ALOX12B: variants seen among roughly 807,000 people sequenced by gnomAD.
ALOX12B encodes arachidonate 12-lipoxygenase, 12R type.
Under a neutral mutation model 78.9 loss-of-function variants are expected in ALOX12B, and 47 were observed. That is an observed-to-expected ratio of 0.60 (90% confidence interval 0.47 to 0.76). ALOX12B has a LOEUF of 0.76. Ranked by LOEUF, ALOX12B falls within the 30% of genes least tolerant of loss-of-function variation. ALOX12B has a pLI of 0.00. For synonymous variants in ALOX12B, 370 were observed against 374.5 expected (o/e 0.99, Z 0.14); for missense variants, 805 against 922.6 (o/e 0.87, Z 1.65).
In ALOX12B at chr17:8,079,850, C is replaced by CT. The variant is rs760916106; in HGVS notation, c.845_846insA (p.Ile283AspfsTer91). The CT allele has an allele frequency of 9.3e-6, 15 of 1,613,624 alleles. No individual in the cohort carries two copies. Among genetic ancestry groups the CT allele is most frequent in the Non-Finnish European group, 1.2e-5 (14 of 1,179,976 alleles). On this transcript the variant is annotated frameshift_variant, in exon 7 of 15. Coordinates refer to ENST00000647874, the MANE Select transcript of ALOX12B (RefSeq NM_001139.3). LOFTEE classifies it high-confidence loss of function. This position sits in a 1 kb window ranked among gnomAD's most constrained non-coding sequence, Gnocchi z 6.4. ...CTGTGACGGGGAACTTGTCTGGGAT[C>CT]CGCGTGCAGCGGCGGATCAGGCCGG...
chr17:8,086,896 G>A (rs1332306571), intron 1 of ALOX12B, among the ~76,000 whole-genome samples: 1 of 152,042 alleles, frequency 6.6e-6, no homozygotes, highest in Non-Finnish European at 1.5e-5. Flanking sequence ...AGGTGGAAAG[G>A]ATTGAGAAAA....
chr17:8,086,430 C>G (rs1978298706), intron 1 of ALOX12B, among the ~76,000 whole-genome samples: 1 of 152,156 alleles, frequency 6.6e-6, no homozygotes, highest in Admixed American at 6.5e-5. Context: ...CTACCCAGGG[C>G]TATGTAGGAC....
At chr17:8,074,681 C>T (rs1287110314) in intron 12 of ALOX12B, among the ~76,000 whole-genome samples, 1 of 152,190 alleles carries the variant, frequency 6.6e-6, no homozygotes, top group Non-Finnish European at 1.5e-5. Flanking sequence ...TCCCTGGATC[C>T]CTCTGGCCCT....
In ALOX12B at chr17:8,072,869, T is replaced by A. The variant is rs1453694504; in HGVS notation, c.2008A>T (p.Asn670Tyr). ...TGGCGGATGTCGTGTGAGATCTGGT[T>A]CAGGCGCTGGCGGAACGCCTCTATG... ...RSIEAFRQRL[N>Y]QISHDIRQRN... The change falls in exon 15 of 15, where the codon AAC becomes TAC. Residue 670 changes from asparagine to tyrosine, a missense_variant. Coordinates refer to ENST00000647874, the MANE Select transcript of ALOX12B (RefSeq NM_001139.3). 2.8e-5 allele frequency: 45 copies of A among 1,614,044 alleles called. No homozygotes were observed. The highest frequency in any genetic ancestry group is 3.6e-5 in the Non-Finnish European group (43 of 1,180,026).
At chr17:8,076,871 TCCCC>T in intron 9 of ALOX12B, 115 bp downstream of exon 9, 1 of 1,438,902 alleles carries the variant, frequency 6.9e-7, no homozygotes, top group South Asian at 1.2e-5. Flanking sequence ...TCTCTTGTGG[TCCCC>T]AGATGCCCCC....
At position 8,080,024 on chromosome 17, in the gene ALOX12B, G is replaced by T; in HGVS notation, c.755-83C>A. On this transcript the variant is annotated intron_variant, in intron 6 of 14. Coordinates refer to ENST00000647874, the MANE Select transcript of ALOX12B (RefSeq NM_001139.3). The surrounding 1 kb of genome is among the most constrained non-coding windows in gnomAD (Gnocchi z 4.8). ...GGCATGGGACAGAAGAAGACTATGG[G>T]CACCGAGAGGAGTCGGGGAGGAAAA... The T allele has an allele frequency of 6.4e-7, 1 of 1,554,338 alleles. No individual in the cohort carries two copies. Among genetic ancestry groups the T allele is most frequent in the Non-Finnish European group, 8.8e-7 (1 of 1,142,782 alleles).
Position 8,080,005 on chromosome 17 carries a change from G to A in ALOX12B, c.755-64C>T, listed in dbSNP as rs966925975. 6.3e-7 allele frequency: 1 copy of A among 1,576,842 alleles called. No individual in the cohort carries two copies. The highest frequency in any genetic ancestry group is 8.6e-7 in the Non-Finnish European group (1 of 1,159,958). On this transcript the variant is annotated intron_variant, in intron 6 of 14. Transcript: ENST00000647874. The surrounding 1 kb of genome is among the most constrained non-coding windows in gnomAD (Gnocchi z 4.8). ...CCCCCCTCGGGGACGGAGAGGCATGGGACAGAAGAAGACTATGGGCACCGA... is the reference window on the plus strand; with the variant it reads ...CCCCCCTCGGGGACGGAGAGGCATGAGACAGAAGAAGACTATGGGCACCGA...
chr17:8,080,615 T>G lies in ALOX12B; in HGVS notation c.650+43A>C, dbSNP rs752176034. 11 of 1,613,666 alleles carry G rather than the reference T, an allele frequency of 6.8e-6. No homozygotes were observed. In the African/African-American group the frequency reaches 1.2e-4, roughly 18 times the overall value. ...GCCAAGGTTGGGGGAGAGGGAAAGTTCTTGCAGGAGCCCTCGTTCTCCCGT... is the reference window on the plus strand; with the variant it reads ...GCCAAGGTTGGGGGAGAGGGAAAGTGCTTGCAGGAGCCCTCGTTCTCCCGT... On this transcript the variant is annotated intron_variant, in intron 5 of 14. Transcript: ENST00000647874. The surrounding 1 kb of genome is among the most constrained non-coding windows in gnomAD (Gnocchi z 4.8).
chr17:8,078,096 A>C (rs1180645648), intron 8 of ALOX12B, among the ~76,000 whole-genome samples: 1 of 151,878 alleles, frequency 6.6e-6, no homozygotes, highest in Non-Finnish European at 1.5e-5. Flanking sequence ...GAAATCCAGA[A>C]AGGATCTATT....
Position 8,072,954 on chromosome 17 carries a change from C to T in ALOX12B, c.1927-4G>A. ...CCGGGAAGTGTCCCAGGGGCCGCTGCGGGCAGAGAGCTCGACAGCTGGGAC... is the reference window on the plus strand; with the variant it reads ...CCGGGAAGTGTCCCAGGGGCCGCTGTGGGCAGAGAGCTCGACAGCTGGGAC... On this transcript the variant is annotated splice_region_variant and splice_polypyrimidine_tract_variant and intron_variant, in intron 14 of 14. Coordinates refer to ENST00000647874, the MANE Select transcript of ALOX12B (RefSeq NM_001139.3). The T allele has an allele frequency of 6.2e-7, 1 of 1,609,816 alleles. No homozygotes were observed. The highest frequency in any genetic ancestry group is 8.5e-7 in the Non-Finnish European group (1 of 1,177,600).
rs889961961 is a variant in ALOX12B, at chr17:8,080,877, T to C, written c.527+7A>G. On this transcript the variant is annotated splice_region_variant and intron_variant, in intron 4 of 14. Coordinates refer to ENST00000647874, the MANE Select transcript of ALOX12B (RefSeq NM_001139.3). The surrounding 1 kb of genome is among the most constrained non-coding windows in gnomAD (Gnocchi z 4.8). ...GGGCGGGGCCCAGCACAGCTTCGGG[T>C]CCTTACTCAGGCCGGTTGGGGTTGC... The C allele has an allele frequency of 3.1e-6, 5 of 1,613,430 alleles. No homozygotes were observed. In the African/African-American group the frequency reaches 5.4e-5, roughly 17 times the overall value.
Position 8,080,587 on chromosome 17 carries a change from G to A in ALOX12B, c.650+71C>T. On this transcript the variant is annotated intron_variant, in intron 5 of 14. Transcript: ENST00000647874. The surrounding 1 kb of genome is among the most constrained non-coding windows in gnomAD (Gnocchi z 4.8). ...TCCAACCTCTGGGGCTGTCTTGGAG[G>A]CCGCCAAGGTTGGGGGAGAGGGAAA... 1 of 1,609,978 alleles carries A rather than the reference G, an allele frequency of 6.2e-7. No individual in the cohort carries two copies. The highest frequency in any genetic ancestry group is 1.3e-5 in the African/African-American group (1 of 74,930).
rs1440759851 is a variant in ALOX12B, at chr17:8,079,370, G to A, written c.1071+26C>T. 1 of 1,551,002 alleles carries A rather than the reference G, an allele frequency of 6.4e-7. No individual in the cohort carries two copies. On this transcript the variant is annotated intron_variant, in intron 8 of 14. Transcript: ENST00000647874. The surrounding 1 kb of genome is among the most constrained non-coding windows in gnomAD (Gnocchi z 6.4). ...GCATTCGCGCACACAGAGGCTCAGC[G>A]GCAGCGCCGCCTGCAGCCCAGGCAC... is the stretch of plus-strand genomic sequence containing the variant.
chr17:8,077,043 C>T lies in ALOX12B; in HGVS notation c.1222G>A (p.Ala408Thr). 1 of 1,614,022 alleles carries T rather than the reference C, an allele frequency of 6.2e-7. No individual in the cohort carries two copies. The highest frequency in any genetic ancestry group is 8.5e-7 in the Non-Finnish European group (1 of 1,179,996). The change falls in exon 9 of 15, where the codon GCC becomes ACC. Residue 408 changes from alanine to threonine, a missense_variant. Coordinates refer to ENST00000647874, the MANE Select transcript of ALOX12B (RefSeq NM_001139.3). The part of the protein sequence containing the change: ...HLLETHLIAE[A>T]FCLALLRNLP... ...TTCCTCAGCAAGGCCAGGCAGAAGG[C>T]CTCAGCAATGAGGTGTGTCTCCAGC...
intron 8 of ALOX12B, among the ~76,000 whole-genome samples, chr17:8,077,966 C>T (rs535656455): frequency 6.6e-6 from 1 of 152,142 alleles, no homozygotes; most frequent in Admixed American, 6.5e-5. Flanking sequence ...GGAAAATATT[C>T]TGGGAGAAAA....
chr17:8,079,580 C>A lies in ALOX12B; in HGVS notation c.928-41G>T. ...GATGGGTGGCAAGTAGGCACCCACA[C>A]GGGAAGCCCGTGACCCGCGCCGCAG... On this transcript the variant is annotated intron_variant, in intron 7 of 14. Coordinates refer to ENST00000647874, the MANE Select transcript of ALOX12B (RefSeq NM_001139.3). This position sits in a 1 kb window ranked among gnomAD's most constrained non-coding sequence, Gnocchi z 6.4. 9 of 1,547,644 alleles carry A rather than the reference C, an allele frequency of 5.8e-6. No individual in the cohort carries two copies. Among genetic ancestry groups the A allele is most frequent in the Non-Finnish European group, 7.9e-6 (9 of 1,145,584 alleles).
intron 2 of ALOX12B, 44 bp from the exon 3 acceptor site, chr17:8,081,231 C>G (rs1409640613): frequency 3.1e-6 from 5 of 1,588,916 alleles, no homozygotes; most frequent in Non-Finnish European, 4.3e-6. Flanking sequence ...GACCCTTGCC[C>G]CTGCCCACTT....
Position 8,072,915 on chromosome 17 carries a change from C to T in ALOX12B, c.1962G>A (p.Val654=). The T allele has an allele frequency of 6.2e-7, 1 of 1,613,854 alleles. No individual in the cohort carries two copies. The highest frequency in any genetic ancestry group is 8.5e-7 in the Non-Finnish European group (1 of 1,179,876). The change falls in exon 15 of 15, where the codon GTG becomes GTA. Residue 654 remains valine (V), a synonymous_variant. Coordinates refer to ENST00000647874, the MANE Select transcript of ALOX12B (RefSeq NM_001139.3). The stretch of plus-strand genomic sequence containing the variant: ...CTATGCTCCTCCGCGGGGCCTCCTC[C>T]ACGAAGTGAATGTCCGGGAAGTGTC... ...PLGHFPDIHF[V]EEAPRRSIEA...
rs2151822095 is a variant in ALOX12B, at chr17:8,077,151, TGG to T, written c.1112_1113del (p.Pro371GlnfsTer2). On this transcript the variant is annotated frameshift_variant, in exon 9 of 15. Coordinates refer to ENST00000647874, the MANE Select transcript of ALOX12B (RefSeq NM_001139.3). LOFTEE classifies it high-confidence loss of function. ...AGCAGCCAGTCCCACTCAGAATCAC[TGG>T]GCAGGAAGATGGGGCAATCTGGCCC... ...TPGPDCPIFL[P>X]SDSEWDWLLA... The T allele has an allele frequency of 6.2e-7, 1 of 1,613,740 alleles. No individual in the cohort carries two copies. Among genetic ancestry groups the T allele is most frequent in the Admixed American group, 1.7e-5 (1 of 60,012 alleles).
Sources: gnomAD v4.1 joint callset for allele counts (sites outside exome capture counted in the v4.1 genomes callset) on GRCh38, gnomAD v4.1.1 for gene constraint, Gnocchi (gnomAD v3.1) non-coding constraint, MANE v1.5 for transcripts, NCBI Gene and HGNC (gene_info 2026-07-23, HGNC 2026-07-21) for gene names.